ARMC2: variants seen among roughly 807,000 people sequenced by gnomAD.
The protein encoded by ARMC2 is armadillo repeat containing 2, also known as armadillo repeat-containing protein 2.
In ARMC2, 67 loss-of-function variants were observed where a neutral mutation model predicts 90.3. The ratio of observed to expected loss-of-function variants is 0.74; its 90% confidence interval spans 0.61 to 0.91. ARMC2 has a LOEUF of 0.91. Among genes scored for constraint, ARMC2 ranks in the 40% least tolerant of loss-of-function variants. ARMC2 has a pLI of 0.00. For missense variants in ARMC2, 920 were observed against 1,030.9 expected, an observed-to-expected ratio of 0.89 and a Z score of 1.47; for synonymous variants, 393 against 393.0, an observed-to-expected ratio of 1.00 and a Z score of 0.00.
intron 16 of ARMC2, 31 bp downstream of exon 16, chr6:108,964,343 C>G (rs1191562365): frequency 1.2e-6 from 2 of 1,602,404 alleles, no homozygotes; most frequent in Admixed American, 3.5e-5. Flanking sequence ...TACTGACTCT[C>G]TCAGGATTTG....
At chr6:108,910,169 A>G (rs1333032565) in intron 8 of ARMC2, among the ~76,000 whole-genome samples, 33 of 152,168 alleles carry the variant, frequency 2.2e-4, no homozygotes, top group East Asian at 1.9e-4. Context: ...AATCGCATAT[A>G]TAAATATGAG....
At chr6:108,898,248 T>C (rs1413283217) in intron 6 of ARMC2, among the ~76,000 whole-genome samples, 1 of 152,212 alleles carries the variant, frequency 6.6e-6, no homozygotes, top group African/African-American at 2.4e-5. Context: ...TGCTCCTCTG[T>C]CTGTCTCTGT....
At position 108,862,342 on chromosome 6, in the gene ARMC2, C is replaced by CAAAAAAAA. The variant is rs71551359; in HGVS notation, c.291+4080_291+4087dup. Among the ~76,000 whole-genome samples the CAAAAAAAA allele has an allele frequency of 4.5e-3, 158 of 34,810 alleles. 3 individuals carry two copies. Among genetic ancestry groups the CAAAAAAAA allele is most frequent in the Non-Finnish European group, 5.6e-3 (101 of 17,880 alleles). The allele number at this position is 34,810 out of a possible 152,430, so 22.8% of individuals were successfully genotyped here. ...CTGGGTAATAGAGTGAGACTCATCT[C>CAAAAAAAA]AAAAAAAAAAAAAAAACAAAAAAAA... On this transcript the variant is annotated intron_variant, in intron 3 of 17. Coordinates refer to ENST00000392644, the MANE Select transcript of ARMC2 (RefSeq NM_032131.6).
At chr6:108,978,469 C>T (rs1779027054), downstream of ARMC2, among the ~76,000 whole-genome samples, 1 of 152,140 alleles carries the variant, frequency 6.6e-6, no homozygotes, top group Non-Finnish European at 1.5e-5. Context: ...AATGTATATT[C>T]TGTTGATTTG....
chr6:108,905,940 C>G (rs1259163758), intron 8 of ARMC2, among the ~76,000 whole-genome samples: 1 of 152,156 alleles, frequency 6.6e-6, no homozygotes, highest in Non-Finnish European at 1.5e-5. Context: ...ACATTCCAGA[C>G]AAGATCTTGT....
chr6:108,872,255 A>G (rs1015542085), intron 4 of ARMC2, among the ~76,000 whole-genome samples: 2 of 152,190 alleles, frequency 1.3e-5, no homozygotes, highest in African/African-American at 4.8e-5. Context: ...GTCATCTCCA[A>G]AAGGCCAGCA....
In ARMC2 at chr6:108,932,254, T is replaced by G. The variant is rs188916197; in HGVS notation, c.1496+4021T>G. ...CTCTTAAATTTAATTAGATCCCATT[T>G]GTCAATTTTTGCTTTTGTTGCATTT... On this transcript the variant is annotated intron_variant, in intron 11 of 17. Coordinates refer to ENST00000392644, the MANE Select transcript of ARMC2 (RefSeq NM_032131.6). Among the ~76,000 whole-genome samples, 518 of 150,622 alleles carry G rather than the reference T, an allele frequency of 3.4e-3. 16 individuals are homozygous for G. The highest frequency in any genetic ancestry group is 0.012 in the African/African-American group (495 of 40,734).
In ARMC2 at chr6:108,964,210, C is replaced by T; in HGVS notation, c.2183C>T (p.Ala728Val). Residue 728 changes from alanine to valine, a missense_variant, in exon 16 of 18, where the codon GCT becomes GTT. Coordinates refer to ENST00000392644, the MANE Select transcript of ARMC2 (RefSeq NM_032131.6). ...VHRFMMALLD[A>V]QHQDICFSAC... ...AGGTTCATGATGGCGCTGCTGGATG[C>T]TCAGCATCAGGATATCTGCTTTTCT... is the stretch of plus-strand genomic sequence containing the variant. 1 of 1,613,950 alleles carries T rather than the reference C, an allele frequency of 6.2e-7. No homozygotes were observed. Among genetic ancestry groups the T allele is most frequent in the Non-Finnish European group, 8.5e-7 (1 of 1,179,844 alleles).
chr6:109,044,311 C>CAA, the ARMC2 span, among the ~76,000 whole-genome samples: 104 of 28,454 alleles, frequency 3.7e-3, 24 homozygotes, highest in African/African-American at 4.7e-3. Context: ...GAACTTGCCT[C>CAA]AAAAAAAAAA....
chr6:108,959,977 C>T (rs938468260), intron 13 of ARMC2, among the ~76,000 whole-genome samples: 1 of 152,128 alleles, frequency 6.6e-6, no homozygotes. Context: ...CCTGACACCA[C>T]ACCCGGCTAA....
the ARMC2 span, among the ~76,000 whole-genome samples, chr6:109,048,587 A>G: frequency 6.6e-6 from 1 of 152,020 alleles, no homozygotes; most frequent in African/African-American, 2.4e-5. Context: ...AGAGGAGTGA[A>G]CTCCTTCCAC....
chr6:108,851,400 A>T (rs1323812807), intron 1 of ARMC2, among the ~76,000 whole-genome samples: 17 of 152,060 alleles, frequency 1.1e-4, no homozygotes, highest in Non-Finnish European at 1.5e-5. Flanking sequence ...TATTGTTTTT[A>T]TTGCTGCCAT....
chr6:108,888,007 G>A (rs1175378345), intron 5 of ARMC2, among the ~76,000 whole-genome samples: 1 of 152,170 alleles, frequency 6.6e-6, no homozygotes, highest in Non-Finnish European at 1.5e-5. Context: ...CCACTGTGAC[G>A]TGACCACCAA....
chr6:108,933,806 C>G (rs1688208024), intron 11 of ARMC2, among the ~76,000 whole-genome samples: 1 of 152,110 alleles, frequency 6.6e-6, no homozygotes, highest in Admixed American at 6.5e-5. Context: ...GTGGGTTTGT[C>G]ATAGATGGCA....
At chr6:108,905,411 T>C (rs180724672) in intron 8 of ARMC2, among the ~76,000 whole-genome samples, 1 of 152,246 alleles carries the variant, frequency 6.6e-6, no homozygotes, top group East Asian at 1.9e-4. Context: ...CAATACTTCT[T>C]TGAAATAGTG....
At chr6:109,043,723 T>G in the ARMC2 span, among the ~76,000 whole-genome samples, 1 of 152,152 alleles carries the variant, frequency 6.6e-6, no homozygotes, top group Admixed American at 6.5e-5. Context: ...TGGAGAAATA[T>G]TCAATGCTCA....
At chr6:109,045,191 T>C in the ARMC2 span, among the ~76,000 whole-genome samples, 2 of 152,148 alleles carry the variant, frequency 1.3e-5, no homozygotes, top group Non-Finnish European at 2.9e-5. Context: ...TACTAACCTC[T>C]TGTCAAGTTC....
the ARMC2 span, among the ~76,000 whole-genome samples, chr6:109,037,530 T>C: frequency 4.6e-5 from 7 of 152,196 alleles, no homozygotes; most frequent in Non-Finnish European, 7.3e-5. Context: ...TGTGATGTAA[T>C]AATTACAGAA....
chr6:108,876,395 C>A, intron 5 of ARMC2, 45 bp downstream of exon 5: 1 of 1,539,170 alleles, frequency 6.5e-7, no homozygotes, highest in South Asian at 1.2e-5. Context: ...ATAATGGTAT[C>A]ATTTACCAGT....
Sources: allele counts gnomAD v4.1 joint callset (sites outside exome capture counted in the v4.1 genomes callset), GRCh38; gene constraint gnomAD v4.1.1; transcripts MANE v1.5; gene names NCBI Gene and HGNC (gene_info 2026-07-23, HGNC 2026-07-21).